The following RPE65 variants were observed in gnomAD, a reference collection of about 807,000 sequenced individuals.
RPE65 encodes the protein retinoid isomerohydrolase.
In RPE65, 58 loss-of-function variants were observed where a neutral mutation model predicts 68.5. The observed-to-expected ratio is 0.85, with a 90% CI of 0.69 to 1.05. RPE65 has a LOEUF of 1.05. Among genes scored for constraint, RPE65 ranks in the 50% least tolerant of loss-of-function variants. RPE65 has a pLI of 0.00. For missense variants in RPE65, 643 were observed against 629.9 expected (o/e 1.02, Z -0.22); for synonymous variants, 220 against 222.2 (o/e 0.99, Z 0.09).
chr1:68,439,049 T>C lies in RPE65; in HGVS notation c.891A>G (p.Lys297=). 1.2e-6 allele frequency: 2 copies of C among 1,614,146 alleles called. No individual in the cohort carries two copies. Among genetic ancestry groups the C allele is most frequent in the Non-Finnish European group, 1.7e-6 (2 of 1,180,010 alleles). The part of the protein sequence containing the change: ...VWLHIADKKR[K]KYLNNKYRTS... ...TTCTGTATTTATTATTGAGGTACTT[T>C]TTCCTTTTTTTGTCAGCAATATGAA... Residue 297 remains lysine, a synonymous_variant, in exon 9 of 14, where the codon AAA becomes AAG. Transcript: ENST00000262340.
In RPE65 at chr1:68,429,907, C is replaced by T; in HGVS notation, c.1471G>A (p.Val491Met). The change falls in exon 14 of 14, where the codon GTG (valine) becomes ATG (methionine). Residue 491 changes from valine to methionine, a missense_variant. Physicochemically the swap from Val to Met is conservative, Grantham distance 21. Transcript: ENST00000262340. The stretch of plus-strand genomic sequence containing the variant: ...GGCTTTTGTCCTGCTCCTGGGCTCA[C>T]CACCACACTCAGAACTACACCTGTT... ...EDDGVVLSVV[V>M]SPGAGQKPAY... is the part of the protein sequence containing the mutation. 4 of 1,613,592 alleles carry T rather than the reference C, an allele frequency of 2.5e-6. No individual in the cohort carries two copies. The highest frequency in any genetic ancestry group is 3.4e-6 in the Non-Finnish European group (4 of 1,179,724).
rs986018959 is a variant in RPE65, at chr1:68,429,025, A to G, written c.*751T>C. ...ATCCCATAATCTGATTTTAGTAAAT[A>G]TTACATTTTTAAGCATTTTATGCTG... On this transcript the variant is annotated 3_prime_UTR_variant, in exon 14 of 14. Transcript: ENST00000262340. 4.1e-5 allele frequency: 6 copies of G among 147,952 alleles called. No homozygotes were observed. The highest frequency in any genetic ancestry group is 1.5e-4 in the African/African-American group (6 of 39,506). The allele number at this position is 147,952 out of a possible 1,614,324, so 9.2% of individuals were successfully genotyped here. A position where few individuals can be genotyped will look rare whatever the true frequency, so the allele number is the denominator to read the frequency against.
chr1:68,439,201 T>G lies in RPE65; in HGVS notation c.848A>C (p.Glu283Ala), dbSNP rs1645882289. 6.2e-7 allele frequency: 1 copy of G among 1,614,110 alleles called. No individual in the cohort carries two copies. Among genetic ancestry groups the G allele is most frequent in the African/African-American group, 1.3e-5 (1 of 75,050 alleles). ...ANYMDCFESN[E>A]TMGVWLHIAD... ...ATATCTAAGACTTACCCCCATGGTT[T>G]CATTGGACTCAAAACAATCCATGTA... is the stretch of plus-strand genomic sequence containing the variant. Residue 283 changes from glutamate (E) to alanine (A), a missense_variant, in exon 8 of 14, where the codon GAA (glutamate) becomes GCA (alanine). Coordinates refer to ENST00000262340, the MANE Select transcript of RPE65 (RefSeq NM_000329.3).
chr1:68,446,561 C>G (rs1164491695), intron 3 of RPE65, 149 bp downstream of exon 3: 14 of 890,278 alleles, frequency 1.6e-5, no homozygotes, highest in Non-Finnish European at 2.2e-5. Flanking sequence ...TCCCTCGTAT[C>G]CATGCAGACA....
intron 2 of RPE65, among the ~76,000 whole-genome samples, 161 bp downstream of exon 2, chr1:68,448,463 G>A (rs745754769): frequency 2.0e-5 from 3 of 152,088 alleles, no homozygotes; most frequent in Non-Finnish European, 4.4e-5. Context: ...AAGTAAAGGC[G>A]AATGAAAGAA....
At chr1:68,436,752 G>A (rs1645866125) in intron 10 of RPE65, among the ~76,000 whole-genome samples, 1 of 152,088 alleles carries the variant, frequency 6.6e-6, no homozygotes, top group Non-Finnish European at 1.5e-5. Flanking sequence ...ACAGGTGTGA[G>A]CCACTGCGCC....
rs781733825 is a variant in RPE65 at position 68,444,871 on chromosome 1, A to C, written c.258T>G (p.Thr86=). ...HVTYHRRFIR[T]DAYVRAMTEK... Reference sequence around the variant, plus strand: ...CAGTCATTGCCCGTACGTAAGCATCAGTGCGGATGAACCTGAAGGACATTG... The same window carrying C: ...CAGTCATTGCCCGTACGTAAGCATCCGTGCGGATGAACCTGAAGGACATTG... The change falls in exon 4 of 14, where the codon ACT becomes ACG. Residue 86 remains threonine (T), a synonymous_variant. Transcript: ENST00000262340. 2 of 1,614,144 alleles carry C rather than the reference A, an allele frequency of 1.2e-6. No individual in the cohort carries two copies. The highest frequency in any genetic ancestry group is 1.7e-6 in the Non-Finnish European group (2 of 1,180,002).
At chr1:68,436,760 G>A (rs375438816) in intron 10 of RPE65, among the ~76,000 whole-genome samples, 58 of 152,146 alleles carry the variant, frequency 3.8e-4, no homozygotes, top group African/African-American at 1.4e-3. Flanking sequence ...GAGCCACTGC[G>A]CCTGGCCCAG....
At chr1:68,436,660 G>T (rs1252924556) in intron 10 of RPE65, among the ~76,000 whole-genome samples, 2 of 151,880 alleles carry the variant, frequency 1.3e-5, no homozygotes, top group Non-Finnish European at 2.9e-5. Flanking sequence ...TAAAGATGAG[G>T]TTTCTCCATG....
intron 2 of RPE65, among the ~76,000 whole-genome samples, chr1:68,448,120 T>C (rs1645955701): frequency 6.6e-6 from 1 of 152,206 alleles, no homozygotes; most frequent in Non-Finnish European, 1.5e-5. Flanking sequence ...TTTTGGGTTT[T>C]TGTAGGTAAG....
rs1381189679 is a variant in RPE65, at chr1:68,439,058, T to A, written c.882A>T (p.Lys294Asn). 6.2e-7 allele frequency: 1 copy of A among 1,614,116 alleles called. No homozygotes were observed. Among genetic ancestry groups the A allele is most frequent in the Non-Finnish European group, 8.5e-7 (1 of 1,179,998 alleles). The change falls in exon 9 of 14, where the codon AAA becomes AAT. Residue 294 changes from lysine (K) to asparagine (N), a missense_variant. Lys to Asn is a moderately conservative substitution (Grantham distance 94). Coordinates refer to ENST00000262340, the MANE Select transcript of RPE65 (RefSeq NM_000329.3). The stretch of plus-strand genomic sequence containing the variant: ...TATTATTGAGGTACTTTTTCCTTTT[T>A]TTGTCAGCAATATGAAGCCAAACCT... ...TMGVWLHIAD[K>N]KRKKYLNNKY...
intron 10 of RPE65, among the ~76,000 whole-genome samples, 176 bp downstream of exon 10, chr1:68,438,011 C>G (rs1176641872): frequency 6.6e-6 from 1 of 152,142 alleles, no homozygotes; most frequent in African/African-American, 2.4e-5. Context: ...AGTCACAGTA[C>G]TCTTCTGAGC....
intron 10 of RPE65, among the ~76,000 whole-genome samples, chr1:68,432,029 C>T (rs1645830644): frequency 6.8e-6 from 1 of 147,382 alleles, no homozygotes; most frequent in Admixed American, 6.8e-5. Context: ...TTTGATTTTG[C>T]TTGAAAAAAA....
chr1:68,439,131 TACATTATTAAAC>T lies in RPE65; in HGVS notation c.858+48_859-51del. 3 of 1,613,956 alleles carry T rather than the reference TACATTATTAAAC, an allele frequency of 1.9e-6. No homozygotes were observed. In the East Asian group the frequency reaches 6.7e-5, roughly 36 times the overall value. Reference sequence around the variant, plus strand: ...GATGCATTTAAAAAGGAAAAAAGTGTACATTATTAAACACATCTTCTTCAGAATCACAAACTT... The same window carrying T: ...GATGCATTTAAAAAGGAAAAAAGTGTACATCTTCTTCAGAATCACAAACTT... On this transcript the variant is annotated intron_variant, in intron 8 of 13. Transcript: ENST00000262340.
At position 68,431,292 on chromosome 1, in the gene RPE65, A is replaced by G. The variant is rs1645824187; in HGVS notation, c.1328T>C (p.Val443Ala). Residue 443 changes from valine (V) to alanine (A), a missense_variant, in exon 12 of 14, where the codon GTT becomes GCT. Val to Ala is a moderately conservative substitution (Grantham distance 64). Transcript: ENST00000262340. Reference sequence around the variant, plus strand: ...AGAAGGATTAATTACCCTATCTGGAACAAAGTGATTCAAGCCAAGTCCATA... The same window carrying G: ...AGAAGGATTAATTACCCTATCTGGAGCAAAGTGATTCAAGCCAAGTCCATA... Reference protein sequence around the residue: ...YAYGLGLNHFVPDRLCKLNVK... With the variant: ...YAYGLGLNHFAPDRLCKLNVK... The G allele has an allele frequency of 3.7e-6, 6 of 1,613,910 alleles. No homozygotes were observed. Among genetic ancestry groups the G allele is most frequent in the Non-Finnish European group, 5.1e-6 (6 of 1,179,866 alleles).
At chr1:68,443,197 G>A (rs1645915611) in intron 5 of RPE65, among the ~76,000 whole-genome samples, 1 of 152,184 alleles carries the variant, frequency 6.6e-6, no homozygotes, top group South Asian at 2.1e-4. Flanking sequence ...CCTACCCTGT[G>A]TCTCAATATT....
At chr1:68,445,105 A>G (rs1645933028) in intron 3 of RPE65, among the ~76,000 whole-genome samples, 1 of 152,156 alleles carries the variant, frequency 6.6e-6, no homozygotes, top group South Asian at 2.1e-4. Flanking sequence ...CTCACAGATG[A>G]GGAAATTGAG....
intron 5 of RPE65, among the ~76,000 whole-genome samples, chr1:68,444,082 G>T (rs1645924085): frequency 6.6e-6 from 1 of 152,132 alleles, no homozygotes; most frequent in Non-Finnish European, 1.5e-5. Flanking sequence ...GCTATGAAAG[G>T]CAGGGACCAT....
In RPE65 at chr1:68,439,191, C is replaced by A; in HGVS notation, c.858G>T (p.Gly286=). The change falls in exon 8 of 14, where the codon GGG becomes GGT. Residue 286 remains glycine (G), a splice_region_variant and synonymous_variant. Transcript: ENST00000262340. ...CTTGACAAATATATCTAAGACTTACCCCCATGGTTTCATTGGACTCAAAAC... is the reference window on the plus strand; with the variant it reads ...CTTGACAAATATATCTAAGACTTACACCCATGGTTTCATTGGACTCAAAAC... The part of the protein sequence containing the change: ...MDCFESNETM[G]VWLHIADKKR... 6.2e-7 allele frequency: 1 copy of A among 1,613,980 alleles called. No homozygotes were observed.
Sources: allele counts gnomAD v4.1 joint callset (sites outside exome capture counted in the v4.1 genomes callset), GRCh38; gene constraint gnomAD v4.1.1; transcripts MANE v1.5; gene names NCBI Gene and HGNC (gene_info 2026-07-23, HGNC 2026-07-21).